The following ABTB3 variants were observed in gnomAD, a reference collection of about 807,000 sequenced individuals.
ABTB3 encodes ankyrin repeat- and BTB/POZ domain-containing protein 3.
chr12:107,388,160 C>G, the ABTB3 span, among the ~76,000 whole-genome samples: 1 of 151,818 alleles, frequency 6.6e-6, no homozygotes, highest in East Asian at 1.9e-4. Context: ...TTAGTAGAGA[C>G]GATGTTTCAC....
the ABTB3 span, among the ~76,000 whole-genome samples, chr12:107,491,896 A>G: frequency 6.6e-6 from 1 of 151,444 alleles, no homozygotes; most frequent in Non-Finnish European, 1.5e-5. Flanking sequence ...TGAGGAGAAG[A>G]TTATAAAAGG....
At chr12:107,487,572 C>T in the ABTB3 span, among the ~76,000 whole-genome samples, 1 of 152,144 alleles carries the variant, frequency 6.6e-6, no homozygotes, top group African/African-American at 2.4e-5. Flanking sequence ...TTTTCAAAAG[C>T]TTCCATGATT....
the ABTB3 span, among the ~76,000 whole-genome samples, chr12:107,627,831 G>A: frequency 6.6e-6 from 1 of 152,154 alleles, no homozygotes; most frequent in Non-Finnish European, 1.5e-5. Context: ...CATGAAATAG[G>A]TAAAAATACC....
chr12:107,561,415 G>A, the ABTB3 span, among the ~76,000 whole-genome samples: 19 of 152,126 alleles, frequency 1.2e-4, no homozygotes, highest in African/African-American at 4.6e-4. Flanking sequence ...CCTTGCATGA[G>A]AGTTATCTGC....
At chr12:107,576,274 C>G in the ABTB3 span, among the ~76,000 whole-genome samples, 2 of 152,202 alleles carry the variant, frequency 1.3e-5, no homozygotes, top group Non-Finnish European at 1.5e-5. Context: ...AAATGTCAAA[C>G]CTCAAGTATA....
chr12:107,619,849 G>T, the ABTB3 span: 1 of 752,434 alleles, frequency 1.3e-6, no homozygotes, highest in Non-Finnish European at 2.1e-6. Context: ...TCAATCCCTT[G>T]GTCTCGTCAT....
the ABTB3 span, among the ~76,000 whole-genome samples, chr12:107,427,016 C>A: frequency 6.6e-6 from 1 of 152,226 alleles, no homozygotes; most frequent in African/African-American, 2.4e-5. Context: ...GCTGCTATAG[C>A]AAATTACCAT....
chr12:107,499,311 G>A, the ABTB3 span, among the ~76,000 whole-genome samples: 12 of 151,974 alleles, frequency 7.9e-5, no homozygotes, highest in East Asian at 1.9e-4. Context: ...ACAGTGCTGC[G>A]TACTAGAAGG....
chr12:107,386,288 T>C, the ABTB3 span, among the ~76,000 whole-genome samples: 8 of 152,228 alleles, frequency 5.3e-5, no homozygotes, highest in Non-Finnish European at 1.0e-4. Context: ...CTCTCCCTTG[T>C]CATGAATCAG....
the ABTB3 span, among the ~76,000 whole-genome samples, chr12:107,366,898 A>G: frequency 1.1e-3 from 170 of 152,214 alleles, 2 homozygotes; most frequent in East Asian, 0.021. Context: ...TGCCAGAAGC[A>G]CTCCACTGAG....
At chr12:107,354,948 C>G in the ABTB3 span, among the ~76,000 whole-genome samples, 1 of 152,194 alleles carries the variant, frequency 6.6e-6, no homozygotes, top group African/African-American at 2.4e-5. Flanking sequence ...CTGCCTTCCT[C>G]TCTATAGTAT....
chr12:107,494,782 G>C, the ABTB3 span, among the ~76,000 whole-genome samples: 1 of 152,098 alleles, frequency 6.6e-6, no homozygotes, highest in Non-Finnish European at 1.5e-5. Context: ...CCTTCCTACT[G>C]AGGGCTCTGC....
the ABTB3 span, among the ~76,000 whole-genome samples, chr12:107,558,570 T>A: frequency 1.3e-5 from 2 of 152,152 alleles, no homozygotes; most frequent in Non-Finnish European, 2.9e-5. Flanking sequence ...GGGAGAAGCA[T>A]AAGCAAAATC....
chr12:107,369,416 G>C, the ABTB3 span, among the ~76,000 whole-genome samples: 1 of 76,388 alleles, frequency 1.3e-5, no homozygotes, highest in Non-Finnish European at 2.4e-5. Context: ...TTTTCTTTTT[G>C]AGATGGAGTC....
the ABTB3 span, among the ~76,000 whole-genome samples, chr12:107,487,231 T>C: frequency 6.6e-6 from 1 of 152,120 alleles, no homozygotes; most frequent in Non-Finnish European, 1.5e-5. Flanking sequence ...CATCATTGGG[T>C]CCTCAGTGCC....
chr12:107,584,949 C>T, the ABTB3 span, among the ~76,000 whole-genome samples: 12 of 152,030 alleles, frequency 7.9e-5, no homozygotes, highest in Non-Finnish European at 1.6e-4. Context: ...TAATACAAAC[C>T]TGGTGAATTC....
chr12:107,568,341 A>G, the ABTB3 span, among the ~76,000 whole-genome samples: 15,745 of 152,200 alleles, frequency 0.1, 1,142 homozygotes, highest in East Asian at 0.25. Flanking sequence ...GGTAAAGGTG[A>G]TGACGATGTG....
chr12:107,508,434 A>ATTTTTTTTTTTTTTTTTTTTTT, the ABTB3 span, among the ~76,000 whole-genome samples: 19 of 58,712 alleles, frequency 3.2e-4, 1 homozygote, highest in Admixed American at 5.7e-4. Context: ...CTCAAAGATC[A>ATTTTTTTTTTTTTTTTTTTTTT]TTTCTTTTTT....
the ABTB3 span, among the ~76,000 whole-genome samples, chr12:107,590,115 T>C: frequency 3.2e-4 from 49 of 152,298 alleles, no homozygotes; most frequent in African/African-American, 1.1e-3. Flanking sequence ...GGTTTCGCCA[T>C]GTTGGCCAGG....
Sources: gnomAD v4.1 joint callset for allele counts (sites outside exome capture counted in the v4.1 genomes callset) on GRCh38, gnomAD v4.1.1 for gene constraint, MANE v1.5 for transcripts, NCBI Gene and HGNC (gene_info 2026-07-23, HGNC 2026-07-21) for gene names.